URGCP: variants seen among roughly 807,000 people sequenced by gnomAD.
URGCP encodes upregulator of cell proliferation, also known as up-regulator of cell proliferation.
Under a neutral mutation model 24.6 loss-of-function variants are expected in URGCP, and 13 were observed. That is an observed-to-expected ratio of 0.53 (90% confidence interval 0.34 to 0.84). The LOEUF is 0.84. Ranked by LOEUF, URGCP falls within the 40% of genes least tolerant of loss-of-function variation. The pLI is 0.01. For missense variants in URGCP, 899 were observed against 1,194.3 expected (o/e 0.75, Z 3.64); for synonymous variants, 444 against 487.2 (o/e 0.91, Z 1.17).
rs777504273 is a variant in URGCP at position 43,876,822 on chromosome 7, G to A, written c.2641C>T (p.Leu881=). 19 of 1,614,216 alleles carry A rather than the reference G, an allele frequency of 1.2e-5. No homozygotes were observed. The South Asian group carries it at 1.4e-4, about 12-fold the overall frequency. Reference sequence around the variant, plus strand: ...GCCATGGGAGGTGCTCCGTGCCACAGGCCTGGGATGTGCCAGATGTGCTGC... The same window carrying A: ...GCCATGGGAGGTGCTCCGTGCCACAAGCCTGGGATGTGCCAGATGTGCTGC... ...EKQHIWHIPG[L]WHGAPPMAAV... The change falls in exon 6 of 6, where the codon CTG becomes TTG. Residue 881 remains leucine (L), a synonymous_variant. Transcript: ENST00000453200.
At chr7:43,905,547 T>C (rs1337334226) in intron 1 of URGCP, 9 of 152,354 alleles carry the variant, frequency 5.9e-5, no homozygotes, top group African/African-American at 2.2e-4. Context: ...AGGCCTCATC[T>C]GGAGGAGGCA....
intron 1 of URGCP, among the ~76,000 whole-genome samples, chr7:43,904,099 C>T (rs991153479): frequency 1.3e-5 from 2 of 152,220 alleles, no homozygotes; most frequent in African/African-American, 4.8e-5. Context: ...TCTCTGAGAG[C>T]TCCACCAATG....
chr7:43,918,623 A>T (rs958957984), intron 1 of URGCP: 11 of 563,324 alleles, frequency 2.0e-5, no homozygotes, highest in African/African-American at 1.9e-4. Context: ...CTTAATTAAA[A>T]GTGGATATCT....
At chr7:43,886,491 G>A (rs188611314) in intron 3 of URGCP, among the ~76,000 whole-genome samples, 94 of 152,206 alleles carry the variant, frequency 6.2e-4, no homozygotes, top group African/African-American at 1.8e-3. Flanking sequence ...GGTGGCTCAC[G>A]CCTGTAATCC....
At chr7:43,897,287 C>A (rs921883537) in intron 1 of URGCP, among the ~76,000 whole-genome samples, 1 of 152,188 alleles carries the variant, frequency 6.6e-6, no homozygotes, top group Non-Finnish European at 1.5e-5. Context: ...AAGGCACAGG[C>A]CAAGGTCAGG....
At chr7:43,926,442 C>G, upstream of URGCP, 1 of 1,190,264 alleles carries the variant, frequency 8.4e-7, no homozygotes, top group Non-Finnish European at 1.1e-6. Context: ...GGCTGCGGCT[C>G]CCGGCGTGCA....
At chr7:43,909,904 G>A (rs981433211), upstream of URGCP, among the ~76,000 whole-genome samples, 15 of 151,512 alleles carry the variant, frequency 9.9e-5, no homozygotes, top group African/African-American at 3.6e-4. Flanking sequence ...TTAGCCGGGC[G>A]TGGTGGCACA....
At chr7:43,887,757 C>G in intron 2 of URGCP, 33 bp downstream of exon 2, 1 of 1,548,610 alleles carries the variant, frequency 6.5e-7, no homozygotes. Context: ...AGCACAAATA[C>G]AGTCATTCAG....
rs2132737409 is a variant in URGCP at position 43,924,875 on chromosome 7, A to G, written c.-116+1257T>C. ...CAACTTTGATCTCCTGGGCTCAAGT[A>G]AGCCTCCCAAGTAGCTGGGACTACA... On this transcript the variant is annotated intron_variant, in intron 1 of 5. Coordinates refer to the URGCP transcript ENST00000426198. Among the ~76,000 whole-genome samples the G allele has an allele frequency of 1.3e-5, 2 of 152,032 alleles. 1 individual carries two copies. Among genetic ancestry groups the G allele is most frequent in the Non-Finnish European group, 2.9e-5 (2 of 68,000 alleles).
intron 1 of URGCP, chr7:43,919,041 G>A: frequency 1.8e-6 from 2 of 1,094,466 alleles, no homozygotes; most frequent in Non-Finnish European, 2.8e-6. Flanking sequence ...GAAGATCCAT[G>A]AGGACATTTT....
upstream of URGCP, among the ~76,000 whole-genome samples, chr7:43,908,626 T>C (rs532051485): frequency 6.2e-4 from 95 of 152,350 alleles, no homozygotes; most frequent in African/African-American, 2.3e-3. Flanking sequence ...TAACCACACC[T>C]GAAAAGACCC....
chr7:43,919,999 G>A (rs1022243429), intron 1 of URGCP: 4 of 1,337,092 alleles, frequency 3.0e-6, no homozygotes, highest in Admixed American at 1.7e-5. Flanking sequence ...AGCAGCTCAT[G>A]GATGAGTACC....
chr7:43,922,192 C>T (rs2132733949), intron 1 of URGCP, among the ~76,000 whole-genome samples: 1 of 152,184 alleles, frequency 6.6e-6, no homozygotes, highest in East Asian at 1.9e-4. Flanking sequence ...CTCCCGAATA[C>T]CTGGGATTAC....
chr7:43,918,653 G>C, intron 1 of URGCP: 1 of 611,910 alleles, frequency 1.6e-6, no homozygotes, highest in South Asian at 2.0e-5. Context: ...GCACGCGGCA[G>C]CGTTGCGGGT....
upstream of URGCP, among the ~76,000 whole-genome samples, chr7:43,909,509 T>C (rs1318233801): frequency 1.3e-5 from 2 of 151,908 alleles, no homozygotes; most frequent in African/African-American, 4.8e-5. Flanking sequence ...GGTGGATCAC[T>C]TGAGGTCAGA....
chr7:43,896,856 T>C (rs1051447213), intron 1 of URGCP, among the ~76,000 whole-genome samples: 1 of 152,232 alleles, frequency 6.6e-6, no homozygotes, highest in African/African-American at 2.4e-5. Flanking sequence ...TGGATTTATC[T>C]ACATATTTAT....
chr7:43,883,362 A>G (rs7810063), intron 3 of URGCP, among the ~76,000 whole-genome samples: 1 of 88,324 alleles, frequency 1.1e-5, no homozygotes, highest in East Asian at 2.8e-4. Flanking sequence ...ATATATATAT[A>G]TTTTTTTTTT....
Position 43,878,334 on chromosome 7 carries a change from T to C in URGCP, c.1129A>G (p.Lys377Glu). 6.2e-7 allele frequency: 1 copy of C among 1,614,200 alleles called. No homozygotes were observed. Among genetic ancestry groups the C allele is most frequent in the Non-Finnish European group, 8.5e-7 (1 of 1,180,034 alleles). Residue 377 changes from lysine (K) to glutamate (E), a missense_variant, in exon 6 of 6, where the codon AAG (lysine) becomes GAG (glutamate). Lys to Glu is a moderately conservative substitution (Grantham distance 56, BLOSUM62 1). Transcript: ENST00000453200. The surrounding 1 kb of genome is among the most constrained non-coding windows in gnomAD (Gnocchi z 5.6). The part of the protein sequence containing the change: ...KKEYKLLYSM[K>E]ESTTKYYFIL... ...AAGTAGTATTTTGTGGTTGACTCCT[T>C]CATGGAGTACAGCAATTTGTATTCC...
At chr7:43,915,922 T>C (rs1000284610) in intron 1 of URGCP, among the ~76,000 whole-genome samples, 5 of 151,978 alleles carry the variant, frequency 3.3e-5, no homozygotes, top group Non-Finnish European at 7.4e-5. Context: ...GGCAGGAGAA[T>C]CACTTGAACC....
Sources: gnomAD v4.1 joint callset for allele counts (sites outside exome capture counted in the v4.1 genomes callset) on GRCh38, gnomAD v4.1.1 for gene constraint, Gnocchi (gnomAD v3.1) non-coding constraint, MANE v1.5 for transcripts, NCBI Gene and HGNC (gene_info 2026-07-23, HGNC 2026-07-21) for gene names.